Variants in GPHN observed in about 807,000 individuals in gnomAD.
The protein encoded by GPHN is gephyrin.
Under a neutral mutation model 95.5 loss-of-function variants are expected in GPHN, and 17 were observed. The observed-to-expected ratio is 0.18, with a 90% CI of 0.12 to 0.27. The LOEUF (loss-of-function observed/expected upper bound fraction) is 0.27. Ranked by LOEUF, GPHN falls within the 10% of genes least tolerant of loss-of-function variation. The pLI is 1.00. For synonymous variants in GPHN, 320 were observed against 322.5 expected (o/e 0.99, Z 0.08); for missense variants, 660 against 978.1 (o/e 0.67, Z 4.34).
rs1234425717 is a variant in GPHN, at chr14:66,681,091, C to G, written c.65-16C>G. On this transcript the variant is annotated splice_polypyrimidine_tract_variant and intron_variant, in intron 1 of 22. Transcript: ENST00000478722. ...ACAAAAATTAATTTTTTTTTCTTTT[C>G]CCCATTTCTATTTAGTGAGTGATAG... 6.8e-7 allele frequency: 1 copy of G among 1,460,872 alleles called. No homozygotes were observed. Among genetic ancestry groups the G allele is most frequent in the Admixed American group, 1.7e-5 (1 of 59,452 alleles). The allele number at this position is 1,460,872 out of a possible 1,614,324, so 90.5% of individuals were successfully genotyped here.
At position 66,629,148 on chromosome 14, in the gene GPHN, CATATATAAATAT is replaced by C. The variant is rs1566728937; in HGVS notation, c.65-51958_65-51947del. On this transcript the variant is annotated intron_variant, in intron 1 of 22. Coordinates refer to ENST00000478722, the MANE Select transcript of GPHN (RefSeq NM_020806.5). ...ATGTATATAAATATATATTTATATACATATATAAATATGTATATAAATATATATATACATATA... is the reference window on the plus strand; with the variant it reads ...ATGTATATAAATATATATTTATATACGTATATAAATATATATATACATATA... 9.8e-4 allele frequency among the ~76,000 whole-genome samples: 110 copies of C among 112,742 alleles called. 5 individuals carry two copies. Among genetic ancestry groups the C allele is most frequent in the African/African-American group, 3.2e-3 (89 of 27,552 alleles). 74.0% of individuals were successfully genotyped at this position (112,742 alleles called of 152,430 possible). A position where few individuals can be genotyped will look rare whatever the true frequency, so the allele number is the denominator to read the frequency against.
chr14:66,646,237 C>T (rs555403089), intron 1 of GPHN, among the ~76,000 whole-genome samples: 1 of 152,170 alleles, frequency 6.6e-6, no homozygotes, highest in South Asian at 2.1e-4. Context: ...AAATGCAAAT[C>T]AAAACCACAG....
chr14:66,837,608 T>C (rs532562743), intron 4 of GPHN, among the ~76,000 whole-genome samples: 1 of 126,306 alleles, frequency 7.9e-6, no homozygotes, highest in African/African-American at 3.6e-5. Flanking sequence ...AATAAATAAA[T>C]AAATAAAAAT....
intron 1 of GPHN, among the ~76,000 whole-genome samples, chr14:66,636,597 A>G (rs778752808): frequency 6.6e-6 from 1 of 152,164 alleles, no homozygotes; most frequent in Non-Finnish European, 1.5e-5. Flanking sequence ...TTATATCAGT[A>G]CATCTTTATT....
At chr14:67,207,447 G>A in the GPHN span, among the ~76,000 whole-genome samples, 1 of 151,230 alleles carries the variant, frequency 6.6e-6, no homozygotes, top group South Asian at 2.1e-4. Context: ...CCATTCATGA[G>A]GGATCTGCCC....
intron 2 of GPHN, among the ~76,000 whole-genome samples, chr14:66,710,408 T>C (rs1161780823): frequency 1.3e-5 from 2 of 152,218 alleles, no homozygotes; most frequent in African/African-American, 4.8e-5. Context: ...TCTTAGTCTA[T>C]GCATCATCAT....
chr14:67,012,218 G>T (rs2073054500), intron 9 of GPHN, among the ~76,000 whole-genome samples: 1 of 152,184 alleles, frequency 6.6e-6, no homozygotes, highest in South Asian at 2.1e-4. Context: ...AACACTTATA[G>T]GGATAGATTT....
intron 5 of GPHN, among the ~76,000 whole-genome samples, chr14:66,912,168 A>T (rs2065704215): frequency 6.6e-6 from 1 of 152,140 alleles, no homozygotes; most frequent in African/African-American, 2.4e-5. Flanking sequence ...TGCTTTTTGC[A>T]TCAGCTTCCA....
intron 2 of GPHN, among the ~76,000 whole-genome samples, chr14:66,698,983 C>T (rs1211708193): frequency 1.3e-5 from 2 of 152,008 alleles, no homozygotes; most frequent in East Asian, 1.9e-4. Context: ...TTTATTGACC[C>T]GTGGTGTAGA....
chr14:66,685,863 G>A (rs1047079942), intron 2 of GPHN, among the ~76,000 whole-genome samples: 2 of 152,082 alleles, frequency 1.3e-5, no homozygotes, highest in Non-Finnish European at 2.9e-5. Flanking sequence ...TTTCTTCTAG[G>A]GTTTTTATGG....
chr14:67,583,535 TGATCTCTAATATTCGA>T, the GPHN span, among the ~76,000 whole-genome samples: 2 of 152,230 alleles, frequency 1.3e-5, no homozygotes, highest in Non-Finnish European at 2.9e-5. Flanking sequence ...AGTTGGTCGG[TGATCTCTAATATTCGA>T]GGGCCCTAAG....
chr14:67,340,250 T>C, the GPHN span: 1 of 543,504 alleles, frequency 1.8e-6, no homozygotes, highest in Non-Finnish European at 3.3e-6. Context: ...TGCCATGTTA[T>C]AGGTACATGT....
chr14:66,904,486 A>G (rs1246017914), intron 5 of GPHN, among the ~76,000 whole-genome samples: 4 of 152,142 alleles, frequency 2.6e-5, no homozygotes, highest in African/African-American at 9.7e-5. Flanking sequence ...CTAGCTGTAG[A>G]GCACTGATTG....
At chr14:66,947,145 T>C (rs1238403652) in intron 8 of GPHN, among the ~76,000 whole-genome samples, 1 of 152,214 alleles carries the variant, frequency 6.6e-6, no homozygotes, top group Non-Finnish European at 1.5e-5. Flanking sequence ...CATTTCTCTC[T>C]TGTGCTTTAT....
At chr14:66,708,861 C>T (rs2153420797) in intron 2 of GPHN, among the ~76,000 whole-genome samples, 1 of 151,994 alleles carries the variant, frequency 6.6e-6, no homozygotes. Context: ...CTCAAAAGTC[C>T]CTATCATCAA....
intron 1 of GPHN, among the ~76,000 whole-genome samples, chr14:66,553,156 A>G (rs919377587): frequency 6.6e-6 from 1 of 151,562 alleles, no homozygotes; most frequent in Non-Finnish European, 1.5e-5. Context: ...TGCCCGGCTA[A>G]TTTTTTCTAT....
At chr14:67,338,660 A>G in the GPHN span, 1 of 1,614,110 alleles carries the variant, frequency 6.2e-7, no homozygotes, top group Non-Finnish European at 8.5e-7. Context: ...CTTCAGCCAG[A>G]AGATTAGCAG....
At chr14:67,504,710 C>T in the GPHN span, among the ~76,000 whole-genome samples, 3 of 152,156 alleles carry the variant, frequency 2.0e-5, no homozygotes, top group Non-Finnish European at 2.9e-5. Flanking sequence ...CTTGGTGAAA[C>T]CCTGTCTCTA....
At chr14:67,226,231 G>A in the GPHN span, among the ~76,000 whole-genome samples, 24 of 151,544 alleles carry the variant, frequency 1.6e-4, no homozygotes, top group Non-Finnish European at 3.2e-4. Context: ...TTGCTCTGTC[G>A]CCCAGGCTGG....
Sources: allele counts gnomAD v4.1 joint callset (sites outside exome capture counted in the v4.1 genomes callset), GRCh38; gene constraint gnomAD v4.1.1; transcripts MANE v1.5; gene names NCBI Gene and HGNC (gene_info 2026-07-23, HGNC 2026-07-21).